Variants in CLIP2 observed in about 807,000 individuals in gnomAD.
CLIP2 encodes the protein CAP-Gly domain containing linker protein 2.
In CLIP2, 41 loss-of-function variants were observed where a neutral mutation model predicts 111.7. The observed-to-expected ratio is 0.37, with a 90% CI of 0.29 to 0.48. CLIP2 has a LOEUF of 0.48. Ranked by LOEUF, CLIP2 falls within the 20% of genes least tolerant of loss-of-function variation. The probability of loss-of-function intolerance (pLI) is 0.99; values close to 1 mark genes in which losing one functional copy is unlikely to be tolerated. For missense variants in CLIP2, 1,160 were observed against 1,422.1 expected (o/e 0.82, Z 2.96); for synonymous variants, 660 against 644.2 (o/e 1.02, Z -0.37).
At chr7:74,364,980 C>T (rs1394888602) in intron 8 of CLIP2, 6 of 395,160 alleles carry the variant, frequency 1.5e-5, no homozygotes, top group South Asian at 5.6e-5. Flanking sequence ...GCTATGATTG[C>T]GCCTGTTTTT....
chr7:74,317,659 C>T lies in CLIP2; in HGVS notation c.113C>T (p.Ser38Phe), dbSNP rs781837051. The T allele has an allele frequency of 6.7e-7, 1 of 1,489,462 alleles. No homozygotes were observed. Among genetic ancestry groups the T allele is most frequent in the African/African-American group, 1.4e-5 (1 of 70,390 alleles). 92.3% of individuals were successfully genotyped at this position (1,489,462 alleles called of 1,614,324 possible). ...TCCTCGGCGGCGGTGGCCGCTAGCT[C>T]CAAGGAAGGTACGTGGCACACCAAG... ...ASSSAAVAAS[S>F]KEGSPLHKQS... Residue 38 changes from serine to phenylalanine, a missense_variant, in exon 2 of 17, where the codon TCC (serine) becomes TTC (phenylalanine). Transcript: ENST00000223398.
chr7:74,299,272 C>T (rs927164874), intron 1 of CLIP2, among the ~76,000 whole-genome samples: 1 of 152,150 alleles, frequency 6.6e-6, no homozygotes, highest in Non-Finnish European at 1.5e-5. Flanking sequence ...CTGCAGTGAG[C>T]TGTGATTGTG....
At chr7:74,301,946 C>T (rs1399235279) in intron 1 of CLIP2, among the ~76,000 whole-genome samples, 6 of 151,978 alleles carry the variant, frequency 3.9e-5, no homozygotes, top group African/African-American at 1.4e-4. Flanking sequence ...CTGCTGGCCT[C>T]AAGTGATCCA....
chr7:74,349,459 T>G (rs1554307055), intron 3 of CLIP2, among the ~76,000 whole-genome samples: 1 of 74,714 alleles, frequency 1.3e-5, no homozygotes, highest in African/African-American at 4.9e-5. Flanking sequence ...TATGTATGTG[T>G]GTGTGTGTGT....
At chr7:74,332,017 G>A (rs1444844292) in intron 2 of CLIP2, among the ~76,000 whole-genome samples, 2 of 152,110 alleles carry the variant, frequency 1.3e-5, no homozygotes, top group African/African-American at 4.8e-5. Context: ...TGGGTGGGGG[G>A]CACCATGTAG....
chr7:74,299,578 C>T (rs1554726481), intron 1 of CLIP2, among the ~76,000 whole-genome samples: 1 of 152,212 alleles, frequency 6.6e-6, no homozygotes, highest in African/African-American at 2.4e-5. Flanking sequence ...GCTGGGGCCG[C>T]TTATGCCACT....
At chr7:74,374,362 C>T (rs922763871) in intron 9 of CLIP2, among the ~76,000 whole-genome samples, 5 of 152,162 alleles carry the variant, frequency 3.3e-5, no homozygotes, top group Non-Finnish European at 5.9e-5. Flanking sequence ...CCAGTCACGG[C>T]GGACCGGCCG....
intron 10 of CLIP2, among the ~76,000 whole-genome samples, chr7:74,379,329 GAA>G (rs879972818): frequency 1.5e-5 from 2 of 130,008 alleles, no homozygotes; most frequent in South Asian, 2.5e-4. Flanking sequence ...ACTCCGTCTG[GAA>G]AAAAAAAAAA....
intron 8 of CLIP2, 123 bp from the exon 9 acceptor site, chr7:74,372,809 G>A (rs1443075085): frequency 1.6e-5 from 11 of 668,400 alleles, no homozygotes; most frequent in East Asian, 1.1e-4. Context: ...CCTTGTTCAC[G>A]GAAGATGACG....
intron 1 of CLIP2, among the ~76,000 whole-genome samples, chr7:74,289,955 C>T (rs1484000406): frequency 6.6e-6 from 1 of 152,114 alleles, no homozygotes; most frequent in Admixed American, 6.5e-5. Context: ...GGAGGGGGCA[C>T]TGCTTGGGGT....
At chr7:74,313,001 T>C (rs1788681730) in intron 1 of CLIP2, among the ~76,000 whole-genome samples, 1 of 151,776 alleles carries the variant, frequency 6.6e-6, no homozygotes, top group Admixed American at 6.6e-5. Context: ...GCAAATGACA[T>C]TGTCCCTCAA....
chr7:74,336,793 C>A (rs528532755), intron 2 of CLIP2, among the ~76,000 whole-genome samples: 5 of 150,564 alleles, frequency 3.3e-5, no homozygotes, highest in Non-Finnish European at 5.9e-5. Flanking sequence ...GATGAGCTAT[C>A]GTATGTTAAG....
intron 13 of CLIP2, among the ~76,000 whole-genome samples, chr7:74,390,136 GAAAGAAAGAAAGAAAAAGAAAGAAAGA>G (rs1294497236): frequency 1.2e-4 from 10 of 85,382 alleles, no homozygotes; most frequent in Admixed American, 7.2e-4. Flanking sequence ...GAGAGAGAGA[GAAAGAAAGAAAGAAAAAGAAAGAAAGA>G]AGAAAGAAAG....
intron 2 of CLIP2, among the ~76,000 whole-genome samples, chr7:74,322,565 G>C (rs1788991441): frequency 1.3e-5 from 2 of 152,044 alleles, no homozygotes; most frequent in Non-Finnish European, 2.9e-5. Context: ...AACAGAGTGA[G>C]ACTCCGTCTC....
At position 74,338,515 on chromosome 7, in the gene CLIP2, G is replaced by C. The variant is rs781976848; in HGVS notation, c.189G>C (p.Lys63Asn). The C allele has an allele frequency of 1.2e-6, 2 of 1,610,450 alleles. No homozygotes were observed. Among genetic ancestry groups the C allele is most frequent in the Non-Finnish European group, 1.7e-6 (2 of 1,178,942 alleles). Residue 63 changes from lysine to asparagine, a missense_variant, in exon 3 of 17, where the codon AAG (lysine) becomes AAC (asparagine). Around this residue, in one of 5 missense-constraint regions of CLIP2, gnomAD observed 301 missense variants for 315.2 expected, o/e 0.96. Coordinates refer to ENST00000223398, the MANE Select transcript of CLIP2 (RefSeq NM_003388.5). The surrounding 1 kb of genome is among the most constrained non-coding windows in gnomAD (Gnocchi z 4.3). ...SSPAAAAAPE[K>N]PGPKAAEVGD... ...CGGCCGCAGCTGCTGCCCCCGAGAAGCCGGGCCCCAAGGCGGCGGAAGTGG... is the reference window on the plus strand; with the variant it reads ...CGGCCGCAGCTGCTGCCCCCGAGAACCCGGGCCCCAAGGCGGCGGAAGTGG...
rs541809302 is a variant in CLIP2, at chr7:74,333,812, GC to G, written c.122-4633del. The stretch of plus-strand genomic sequence containing the variant: ...GTGAGGTTTAAGTCTGTGTTGCTGG[GC>G]CCAGCTGGAAGTCACTAGTGGCTCT... On this transcript the variant is annotated intron_variant, in intron 2 of 16. Transcript: ENST00000223398. 6.6e-5 allele frequency among the ~76,000 whole-genome samples: 10 copies of G among 152,302 alleles called. No homozygotes were observed. In the East Asian group the frequency reaches 1.9e-3, roughly 29 times the overall value.
rs931844388 is a variant in CLIP2, at chr7:74,373,007, C to A, written c.1456C>A (p.Arg486=). The A allele has an allele frequency of 6.3e-7, 1 of 1,591,950 alleles. No individual in the cohort carries two copies. Reference sequence around the variant, plus strand: ...GCTACTGGAGAAGGCGCAGGCCGAGCGGCTGCTCCGAGAATTAGCGGACAA... The same window carrying A: ...GCTACTGGAGAAGGCGCAGGCCGAGAGGCTGCTCCGAGAATTAGCGGACAA... The part of the protein sequence containing the change: ...SLLLEKAQAE[R]LLRELADNRL... The change falls in exon 9 of 17, where the codon CGG becomes AGG. Residue 486 remains arginine (R), a synonymous_variant. Transcript: ENST00000223398.
At chr7:74,325,337 G>A (rs976992387) in intron 2 of CLIP2, among the ~76,000 whole-genome samples, 1 of 152,162 alleles carries the variant, frequency 6.6e-6, no homozygotes, top group African/African-American at 2.4e-5. Context: ...TCCACCTGGG[G>A]GCAAAGTCCT....
intron 8 of CLIP2, among the ~76,000 whole-genome samples, chr7:74,371,516 C>CG (rs1790620480): frequency 2.2e-5 from 1 of 44,538 alleles, no homozygotes; most frequent in South Asian, 9.1e-4. Context: ...AGGAGGGAGG[C>CG]GGGGGAGGGA....
Sources: gnomAD v4.1 joint callset for allele counts (sites outside exome capture counted in the v4.1 genomes callset) on GRCh38, gnomAD v4.1.1 for gene constraint, gnomAD v4.1.1 regional missense constraint, Gnocchi (gnomAD v3.1) non-coding constraint, MANE v1.5 for transcripts, NCBI Gene and HGNC (gene_info 2026-07-23, HGNC 2026-07-21) for gene names.